The following OVCH2 variants were observed in gnomAD, a reference collection of about 807,000 sequenced individuals.
OVCH2 encodes the protein ovochymase-2.
Under a neutral mutation model 73.7 loss-of-function variants are expected in OVCH2, and 88 were observed. The ratio of observed to expected loss-of-function variants is 1.19; its 90% confidence interval spans 1.01 to 1.43. OVCH2 has a LOEUF of 1.43. OVCH2 is among the 40% of genes most tolerant of loss of function. The probability of loss-of-function intolerance (pLI) is 0.00; values close to 1 mark genes in which losing one functional copy is unlikely to be tolerated. For missense variants in OVCH2, 706 were observed against 674.5 expected (o/e 1.05, Z -0.52); for synonymous variants, 265 against 234.5 (o/e 1.13, Z -1.19).
At chr11:7,705,026 T>A (rs897730249) in intron 1 of OVCH2, among the ~76,000 whole-genome samples, 1 of 152,124 alleles carries the variant, frequency 6.6e-6, no homozygotes, top group African/African-American at 2.4e-5. Flanking sequence ...AGCAAAGAGG[T>A]AGACTAGATT....
intron 7 of OVCH2, chr11:7,700,012 G>A: frequency 3.0e-6 from 1 of 338,696 alleles, no homozygotes; most frequent in Non-Finnish European, 5.4e-6. Flanking sequence ...GAAGTAAGTG[G>A]TGAAAGCATA....
At chr11:7,698,393 G>A (rs971073880) in intron 8 of OVCH2, among the ~76,000 whole-genome samples, 1 of 152,210 alleles carries the variant, frequency 6.6e-6, no homozygotes, top group Non-Finnish European at 1.5e-5. Flanking sequence ...TTCATCGCAG[G>A]ATCGCAATGG....
rs766505560 is a variant in OVCH2 at position 7,691,444 on chromosome 11, C to T, written c.1508-44G>A. The T allele has an allele frequency of 3.8e-5, 60 of 1,573,098 alleles. No individual in the cohort carries two copies. The East Asian group carries it at 5.0e-4, about 13-fold the overall frequency. ...AGGCATGACATTGTCAAGCACCCAG[C>T]AGATAGCCATGGCATTGGAGAGAAG... On this transcript the variant is annotated intron_variant, in intron 13 of 15. Coordinates refer to ENST00000533663, the MANE Select transcript of OVCH2 (RefSeq NM_198185.7).
downstream of OVCH2, among the ~76,000 whole-genome samples, chr11:7,686,237 C>G (rs1856140541): frequency 6.6e-6 from 1 of 152,174 alleles, no homozygotes; most frequent in African/African-American, 2.4e-5. Context: ...TGAACATTTC[C>G]AGGTCTTGGT....
At chr11:7,701,632 A>C (rs1008059633) in intron 5 of OVCH2, 84 bp downstream of exon 5, 73 of 1,491,354 alleles carry the variant, frequency 4.9e-5, no homozygotes, top group Non-Finnish European at 6.6e-5. Context: ...TCGATTTTTA[A>C]AAATGGATTA....
downstream of OVCH2, among the ~76,000 whole-genome samples, chr11:7,685,897 A>C (rs184828044): frequency 3.9e-4 from 60 of 152,224 alleles, no homozygotes; most frequent in African/African-American, 1.4e-3. Flanking sequence ...AAGAAGGAAA[A>C]CCCCAGGTAT....
At chr11:7,689,812 A>G (rs1856184820) in intron 15 of OVCH2, 112 bp downstream of exon 15, 3 of 722,338 alleles carry the variant, frequency 4.2e-6, no homozygotes, top group African/African-American at 3.5e-5. Flanking sequence ...ACTGGAGGTT[A>G]GGACTCTAGT....
chr11:7,704,808 A>G (rs1856503865), intron 1 of OVCH2, 134 bp from the exon 2 acceptor site: 2 of 605,036 alleles, frequency 3.3e-6, no homozygotes, highest in African/African-American at 3.8e-5. Context: ...ATATCAATAA[A>G]TCTTTATTGG....
intron 15 of OVCH2, 101 bp downstream of exon 15, chr11:7,689,823 A>ACC: frequency 1.3e-6 from 1 of 754,694 alleles, no homozygotes; most frequent in Non-Finnish European, 2.3e-6. Flanking sequence ...GGACTCTAGT[A>ACC]TATTTTGGAG....
chr11:7,694,169 TA>T, intron 12 of OVCH2, among the ~76,000 whole-genome samples: 1 of 152,286 alleles, frequency 6.6e-6, no homozygotes, highest in South Asian at 2.1e-4. Context: ...ATTATTATTT[TA>T]AAAGAAAGAT....
Position 7,696,728 on chromosome 11 carries a change from G to C in OVCH2, c.997C>G (p.Leu333Val). 1 of 1,613,662 alleles carries C rather than the reference G, an allele frequency of 6.2e-7. No individual in the cohort carries two copies. ...GKLHFPESLH[L>V]YYESKQRCVW... ...ACTCACTGCTTGCTCTCATAATATA[G>C]GTGGAGGCTTTCTGGGAAGTGCAGC... Residue 333 changes from leucine to valine, a missense_variant, in exon 9 of 16, where the codon CTA becomes GTA. Leu to Val is a conservative substitution (Grantham distance 32). Coordinates refer to ENST00000533663, the MANE Select transcript of OVCH2 (RefSeq NM_198185.7).
In OVCH2 at chr11:7,700,444, C is replaced by G. The variant is rs1856415568; in HGVS notation, c.753G>C (p.Gly251=). 1 of 1,610,932 alleles carries G rather than the reference C, an allele frequency of 6.2e-7. No individual in the cohort carries two copies. Among genetic ancestry groups the G allele is most frequent in the Non-Finnish European group, 8.5e-7 (1 of 1,178,680 alleles). The change falls in exon 7 of 16, where the codon GGG becomes GGC. Residue 251 remains glycine (G), a synonymous_variant. Transcript: ENST00000533663. ...AAGTCACACCAGCCAGAGTCCAGGC[C>G]CCTTTCTTATTCCGGCACATGAGTG... ...GGSLMCRNKK[G]AWTLAGVTSW... is the part of the protein sequence containing the mutation.
rs1247020325 is a variant in OVCH2, at chr11:7,706,374, C to T, written c.21G>A (p.Lys7=). Reference sequence around the variant, plus strand: ...AGACTATTCCTAGTAGTAAAATCAGCTTGTTCCTGCTTATAAGCATTTTGA... The same window carrying T: ...AGACTATTCCTAGTAGTAAAATCAGTTTGTTCCTGCTTATAAGCATTTTGA... The part of the protein sequence containing the change: MLISRN[K]LILLLGIVFF... The change falls in exon 1 of 16, where the codon AAG becomes AAA. Residue 7 remains lysine, a synonymous_variant. Coordinates refer to ENST00000533663, the MANE Select transcript of OVCH2 (RefSeq NM_198185.7). 2 of 1,578,090 alleles carry T rather than the reference C, an allele frequency of 1.3e-6. No individual in the cohort carries two copies. Among genetic ancestry groups the T allele is most frequent in the East Asian group, 2.3e-5 (1 of 43,922 alleles).
intron 10 of OVCH2, 80 bp from the exon 11 acceptor site, chr11:7,695,790 T>C: frequency 1.3e-6 from 2 of 1,521,362 alleles, no homozygotes; most frequent in Non-Finnish European, 1.8e-6. Flanking sequence ...GAACTGAATT[T>C]GCCATGATAT....
At position 7,701,362 on chromosome 11, in the gene OVCH2, A is replaced by C; in HGVS notation, c.673T>G (p.Cys225Gly). Residue 225 changes from cysteine (C) to glycine (G), a missense_variant, in exon 6 of 16, where the codon TGC becomes GGC. Coordinates refer to ENST00000533663, the MANE Select transcript of OVCH2 (RefSeq NM_198185.7). ...CTCCCTCCATCAGGAAAACCTGTGCAAAGAAAGGTCTTCCCACTGATGGGC... is the reference window on the plus strand; with the variant it reads ...CTCCCTCCATCAGGAAAACCTGTGCCAAGAAAGGTCTTCCCACTGATGGGC... The part of the protein sequence containing the change: ...KRPISGKTFL[C>G]TGFPDGGRDA... 1 of 1,613,366 alleles carries C rather than the reference A, an allele frequency of 6.2e-7. No individual in the cohort carries two copies. Among genetic ancestry groups the C allele is most frequent in the Non-Finnish European group, 8.5e-7 (1 of 1,179,698 alleles).
rs753715732 is a variant in OVCH2, at chr11:7,703,678, A to G, written c.290+20T>C. The G allele has an allele frequency of 4.4e-5, 69 of 1,573,124 alleles. No homozygotes were observed. Among genetic ancestry groups the G allele is most frequent in the South Asian group, 1.4e-4 (12 of 83,312 alleles). On this transcript the variant is annotated intron_variant, in intron 3 of 15. Transcript: ENST00000533663. ...AGAAATGGTGGTGTGGTCTTCACTCATGGGCTAGGCCTTTCTTACCTGTTT... is the reference window on the plus strand; with the variant it reads ...AGAAATGGTGGTGTGGTCTTCACTCGTGGGCTAGGCCTTTCTTACCTGTTT...
chr11:7,688,463 G>C (rs1379663205), downstream of OVCH2, among the ~76,000 whole-genome samples: 2 of 152,080 alleles, frequency 1.3e-5, no homozygotes, highest in Non-Finnish European at 2.9e-5. Context: ...AATCACTGCA[G>C]CCACACTTTA....
chr11:7,691,865 A>G (rs74054129), intron 13 of OVCH2, 37 bp downstream of exon 13: 117,698 of 1,505,434 alleles, frequency 0.078, 5,658 homozygotes, highest in African/African-American at 0.22. Flanking sequence ...GGGTCCAAAC[A>G]CAAACCAGAG....
intron 15 of OVCH2, 104 bp from the exon 16 acceptor site, chr11:7,689,706 A>G (rs1856183202): frequency 1.6e-6 from 1 of 638,194 alleles, no homozygotes; most frequent in Admixed American, 2.1e-5. Flanking sequence ...TAATAAGGAC[A>G]CTAGTCATAC....
Sources: allele counts gnomAD v4.1 joint callset (sites outside exome capture counted in the v4.1 genomes callset), GRCh38; gene constraint gnomAD v4.1.1; transcripts MANE v1.5; gene names NCBI Gene and HGNC (gene_info 2026-07-23, HGNC 2026-07-21).